VIPR1: variants seen among roughly 807,000 people sequenced by gnomAD.
VIPR1 encodes the protein vasoactive intestinal peptide receptor 1.
Under a neutral mutation model 58.8 loss-of-function variants are expected in VIPR1, and 59 were observed. The observed-to-expected ratio is 1.00, with a 90% CI of 0.81 to 1.25. The LOEUF is 1.25. Among genes scored for constraint, VIPR1 ranks in the 50% most tolerant of loss-of-function variants. The pLI is 0.00. For missense variants in VIPR1, 626 were observed against 602.7 expected (o/e 1.04, Z -0.40); for synonymous variants, 251 against 242.1 (o/e 1.04, Z -0.34).
In VIPR1 at chr3:42,519,308, C is replaced by T; in HGVS notation, c.270C>T (p.Phe90=). 1 of 1,610,096 alleles carries T rather than the reference C, an allele frequency of 6.2e-7. No homozygotes were observed. Residue 90 remains phenylalanine, a synonymous_variant, in exon 3 of 13, where the codon TTC becomes TTT. Transcript: ENST00000325123. ...QVVVLACPLI[F]KLFSSIQGRN... is the part of the protein sequence containing the mutation. ...TTGTCTTGGCCTGTCCCCTCATCTT[C>T]AAGCTCTTCTCCTCCATTCAAGGTA...
At chr3:42,515,571 C>T (rs558428262) in intron 2 of VIPR1, among the ~76,000 whole-genome samples, 4 of 152,364 alleles carry the variant, frequency 2.6e-5, no homozygotes, top group South Asian at 2.1e-4. Context: ...GCTGGCACAG[C>T]GTTCCCGTCG....
chr3:42,536,386 T>TGGGCTCGGAGGCTGCCCCCGGCCCC lies in VIPR1; in HGVS notation c.*106_*130dup. On this transcript the variant is annotated 3_prime_UTR_variant, in exon 13 of 13. Transcript: ENST00000325123. ...GCCCGGGCGCGGCCAGCCCCGGCCC[T>TGGGCTCGGAGGCTGCCCCCGGCCCC]GGGCTCGGAGGCTGCCCCCGGCCCC... is the stretch of plus-strand genomic sequence containing the variant. 7.8e-7 allele frequency: 1 copy of TGGGCTCGGAGGCTGCCCCCGGCCCC among 1,282,216 alleles called. No homozygotes were observed. The highest frequency in any genetic ancestry group is 1.0e-6 in the Non-Finnish European group (1 of 970,508). The allele number at this position is 1,282,216 out of a possible 1,614,324, so 79.4% of individuals were successfully genotyped here.
intron 3 of VIPR1, among the ~76,000 whole-genome samples, chr3:42,524,951 C>G (rs1203217178): frequency 6.6e-6 from 1 of 152,154 alleles, no homozygotes; most frequent in East Asian, 1.9e-4. Context: ...AAGTGCTTGA[C>G]CAGCACTGAC....
Position 42,536,095 on chromosome 3 carries a change from G to A in VIPR1, c.1188G>A (p.Gln396=). 6.3e-7 allele frequency: 1 copy of A among 1,599,554 alleles called. No individual in the cohort carries two copies. The highest frequency in any genetic ancestry group is 8.5e-7 in the Non-Finnish European group (1 of 1,173,524). The change falls in exon 13 of 13, where the codon CAG becomes CAA. Residue 396 remains glutamine (Q), a synonymous_variant. Transcript: ENST00000325123. The stretch of plus-strand genomic sequence containing the variant: ...ACCACCTTCCCCTCTCCTAGGTGCA[G>A]GCGGAGCTGAGGCGGAAGTGGCGGC... The part of the protein sequence containing the change: ...ILYCFLNGEV[Q]AELRRKWRRW...
chr3:42,489,690 C>T (rs1699632196), intron 1 of VIPR1: 1 of 152,288 alleles, frequency 6.6e-6, no homozygotes, highest in South Asian at 2.1e-4. Context: ...TAGGGTAAGA[C>T]CCAGCCCTAG....
intron 8 of VIPR1, 90 bp from the exon 9 acceptor site, chr3:42,531,713 G>A: frequency 1.3e-6 from 2 of 1,584,092 alleles, no homozygotes; most frequent in Non-Finnish European, 1.7e-6. Context: ...AAGTGCTCAG[G>A]AGCAGAGCTG....
At position 42,536,426 on chromosome 3, in the gene VIPR1, G is replaced by A. The variant is rs1470163148; in HGVS notation, c.*145G>A. On this transcript the variant is annotated 3_prime_UTR_variant, in exon 13 of 13. Coordinates refer to ENST00000325123, the MANE Select transcript of VIPR1 (RefSeq NM_004624.4). ...CCCCCGGCCCCCTGGTCTCTGGTCC[G>A]GACACTCCTAGAGAACGCAGCCCTA... The A allele has an allele frequency of 3.4e-6, 3 of 874,212 alleles. No homozygotes were observed. The highest frequency in any genetic ancestry group is 2.9e-5 in the East Asian group (1 of 34,618). 54.2% of individuals were successfully genotyped at this position (874,212 alleles called of 1,614,324 possible).
intron 5 of VIPR1, 152 bp downstream of exon 5, chr3:42,527,648 T>A: frequency 1.3e-6 from 1 of 744,368 alleles, no homozygotes; most frequent in Non-Finnish European, 2.2e-6. Context: ...CAGCTTCCCC[T>A]GGAGAAGGCA....
chr3:42,515,233 G>C (rs1404140175), intron 2 of VIPR1, among the ~76,000 whole-genome samples: 3 of 152,236 alleles, frequency 2.0e-5, no homozygotes, highest in Non-Finnish European at 2.9e-5. Context: ...TCTTGGCCCT[G>C]GTGCCCAGGC....
rs745796501 is a variant in VIPR1 at position 42,513,799 on chromosome 3, C to T, written c.129C>T (p.Ile43=). ...LQEECDYVQM[I]EVQHKQCLEE... The stretch of plus-strand genomic sequence containing the variant: ...AGGAGTGTGACTATGTGCAGATGAT[C>T]GAGGTGCAGCACAAGCAGTGCCTGG... Residue 43 remains isoleucine (I), a synonymous_variant, in exon 2 of 13, where the codon ATC becomes ATT. Coordinates refer to ENST00000325123, the MANE Select transcript of VIPR1 (RefSeq NM_004624.4). 32 of 1,551,460 alleles carry T rather than the reference C, an allele frequency of 2.1e-5. No homozygotes were observed. Among genetic ancestry groups the T allele is most frequent in the Non-Finnish European group, 2.4e-5 (28 of 1,146,944 alleles).
intron 6 of VIPR1, chr3:42,530,434 T>G: frequency 1.7e-5 from 4 of 230,312 alleles, no homozygotes; most frequent in Middle Eastern, 1.6e-3. Context: ...GATAAATGAG[T>G]GAGTTGATAG....
chr3:42,534,922 T>C, intron 10 of VIPR1, 53 bp from the exon 11 acceptor site: 1 of 1,601,186 alleles, frequency 6.2e-7, no homozygotes. Context: ...CACCCTATCA[T>C]ATCCACATGT....
chr3:42,527,210 G>A (rs190749353), intron 4 of VIPR1, among the ~76,000 whole-genome samples, 183 bp from the exon 5 acceptor site: 72 of 152,174 alleles, frequency 4.7e-4, no homozygotes, highest in African/African-American at 1.7e-3. Context: ...TGCCCTGTCT[G>A]TAGAAACCAG....
chr3:42,527,576 G>A, intron 5 of VIPR1, 80 bp downstream of exon 5: 1 of 1,401,328 alleles, frequency 7.1e-7, no homozygotes. Context: ...CGTGGCCCAG[G>A]CGTGCCCCGA....
At chr3:42,517,351 T>C (rs1700684152) in intron 2 of VIPR1, among the ~76,000 whole-genome samples, 3 of 152,174 alleles carry the variant, frequency 2.0e-5, no homozygotes, top group African/African-American at 7.2e-5. Context: ...GGCGTTGACT[T>C]TGGCTCAGGG....
In VIPR1 at chr3:42,502,832, G is replaced by C; in HGVS notation, c.78+19G>C. 3 of 1,251,038 alleles carry C rather than the reference G, an allele frequency of 2.4e-6. No homozygotes were observed. Among genetic ancestry groups the C allele is most frequent in the Non-Finnish European group, 3.0e-6 (3 of 997,412 alleles). The allele number at this position is 1,251,038 out of a possible 1,614,324, so 77.5% of individuals were successfully genotyped here. A position where few individuals can be genotyped will look rare whatever the true frequency, so the allele number is the denominator to read the frequency against. On this transcript the variant is annotated intron_variant, in intron 1 of 12. Coordinates refer to ENST00000325123, the MANE Select transcript of VIPR1 (RefSeq NM_004624.4). ...GCCGGCGGTGAGTGTTCGCCCGGCCGCCCAGAGTCCCGGCAGCCTGGGGGT... is the reference window on the plus strand; with the variant it reads ...GCCGGCGGTGAGTGTTCGCCCGGCCCCCCAGAGTCCCGGCAGCCTGGGGGT...
chr3:42,514,003 G>C lies in VIPR1; in HGVS notation c.184+149G>C. 1.1e-5 allele frequency: 10 copies of C among 873,230 alleles called. No individual in the cohort carries two copies. In the Admixed American group the frequency reaches 2.1e-4, roughly 18 times the overall value. 54.1% of individuals were successfully genotyped at this position (873,230 alleles called of 1,614,324 possible). A position where few individuals can be genotyped will look rare whatever the true frequency, so the allele number is the denominator to read the frequency against. On this transcript the variant is annotated intron_variant, in intron 2 of 12. Transcript: ENST00000325123. ...GGGAGCCAGATGGAAGAAGAAAGGG[G>C]CTAACAGGCTTCCACATTCCCACCC...
intron 6 of VIPR1, 115 bp from the exon 7 acceptor site, chr3:42,530,664 C>T (rs544365938): frequency 7.8e-7 from 1 of 1,276,460 alleles, no homozygotes; most frequent in East Asian, 2.4e-5. Flanking sequence ...TGCAAAACAA[C>T]AAAGAGATTA....
chr3:42,493,763 G>A (rs939786580), intron 1 of VIPR1, among the ~76,000 whole-genome samples: 10 of 152,242 alleles, frequency 6.6e-5, no homozygotes, highest in African/African-American at 2.2e-4. Flanking sequence ...GGATATGGCT[G>A]TACCTGGGTT....
Sources: gnomAD v4.1 joint callset for allele counts (sites outside exome capture counted in the v4.1 genomes callset) on GRCh38, gnomAD v4.1.1 for gene constraint, MANE v1.5 for transcripts, NCBI Gene and HGNC (gene_info 2026-07-23, HGNC 2026-07-21) for gene names.